The following DPP10 variants were observed in gnomAD, a reference collection of about 807,000 sequenced individuals.
DPP10 encodes the protein dipeptidyl peptidase like 10.
In DPP10, 33 loss-of-function variants were observed where a neutral mutation model predicts 120.9. The observed-to-expected ratio is 0.27, with a 90% CI of 0.21 to 0.37. The LOEUF is 0.37. Among genes scored for constraint, DPP10 ranks in the 10% least tolerant of loss-of-function variants. The pLI is 1.00. For synonymous variants in DPP10, 337 were observed against 326.1 expected, an observed-to-expected ratio of 1.03 and a Z score of -0.36; for missense variants, 816 against 942.8, an observed-to-expected ratio of 0.87 and a Z score of 1.76.
intron 1 of DPP10, among the ~76,000 whole-genome samples, chr2:114,936,213 G>T (rs192233930): frequency 2.0e-5 from 3 of 151,838 alleles, no homozygotes; most frequent in Non-Finnish European, 4.4e-5. Flanking sequence ...AGCTTAGCTC[G>T]CACTTTAAGA....
chr2:115,540,960 A>G (rs188146492), intron 5 of DPP10, among the ~76,000 whole-genome samples: 232 of 151,932 alleles, frequency 1.5e-3, no homozygotes, highest in Admixed American at 4.8e-3. Context: ...AATGGCATAG[A>G]TGTTCATTTA....
intron 1 of DPP10, among the ~76,000 whole-genome samples, chr2:114,789,235 T>C (rs781683080): frequency 6.6e-6 from 1 of 152,172 alleles, no homozygotes; most frequent in Non-Finnish European, 1.5e-5. Context: ...ACTTAACAAA[T>C]ACATGCTCTC....
chr2:115,007,069 C>T (rs1701906042), intron 1 of DPP10, among the ~76,000 whole-genome samples: 1 of 152,112 alleles, frequency 6.6e-6, no homozygotes, highest in African/African-American at 2.4e-5. Context: ...GAATCTCACT[C>T]AAAACTTCTC....
intron 1 of DPP10, among the ~76,000 whole-genome samples, chr2:114,976,084 A>C (rs190461819): frequency 1.8e-4 from 27 of 152,338 alleles, no homozygotes; most frequent in Admixed American, 1.7e-3. Flanking sequence ...ACTTTGCATA[A>C]ATGTTTATTA....
intron 19 of DPP10, among the ~76,000 whole-genome samples, chr2:115,792,556 G>A (rs189376995): frequency 5.1e-4 from 77 of 152,006 alleles, no homozygotes; most frequent in African/African-American, 1.6e-3. Context: ...GTCCCTAAAA[G>A]CCAGAAAGCT....
At chr2:114,997,522 C>A (rs1229907872) in intron 1 of DPP10, among the ~76,000 whole-genome samples, 6 of 144,092 alleles carry the variant, frequency 4.2e-5, no homozygotes, top group South Asian at 2.2e-4. Context: ...GAAAAAAATT[C>A]ATACATGGAA....
chr2:115,160,498 G>A (rs2052228928), intron 1 of DPP10, among the ~76,000 whole-genome samples: 1 of 152,160 alleles, frequency 6.6e-6, no homozygotes. Flanking sequence ...CAGGGAGCCA[G>A]TCCTTAGCCA....
chr2:115,089,014 T>A (rs985033262), intron 1 of DPP10, among the ~76,000 whole-genome samples: 1 of 152,078 alleles, frequency 6.6e-6, no homozygotes, highest in African/African-American at 2.4e-5. Flanking sequence ...CAGAGTAACA[T>A]CCTGGAGAGC....
intron 1 of DPP10, among the ~76,000 whole-genome samples, chr2:114,837,674 G>A (rs1189438797): frequency 6.6e-6 from 1 of 152,142 alleles, no homozygotes; most frequent in Admixed American, 6.5e-5. Context: ...CATCTATGCT[G>A]TAGTAACAAA....
chr2:115,807,885 G>A (rs1437154047), intron 19 of DPP10, among the ~76,000 whole-genome samples: 1 of 151,764 alleles, frequency 6.6e-6, no homozygotes, highest in South Asian at 2.1e-4. Context: ...AACATTAAAT[G>A]CATTTTTCAG....
intron 1 of DPP10, among the ~76,000 whole-genome samples, chr2:115,227,409 T>G (rs564856974): frequency 1.3e-5 from 2 of 152,304 alleles, no homozygotes; most frequent in African/African-American, 4.8e-5. Context: ...TTTTACTCTC[T>G]TTTTCTTTTT....
chr2:114,842,565 G>GA lies in DPP10; in HGVS notation c.60+399731dup, dbSNP rs527325642. Among the ~76,000 whole-genome samples, 139 of 152,126 alleles carry GA rather than the reference G, an allele frequency of 9.1e-4. 2 individuals are homozygous for GA. Among genetic ancestry groups the GA allele is most frequent in the South Asian group, 2.1e-3 (10 of 4,812 alleles). On this transcript the variant is annotated intron_variant, in intron 1 of 25. Coordinates refer to ENST00000410059, the MANE Select transcript of DPP10 (RefSeq NM_020868.6). Reference sequence around the variant, plus strand: ...AGATAAGATGACTTCTCTTCCCCAGGAAAATCCCTAAAGTGACCAGAATAA... The same window carrying GA: ...AGATAAGATGACTTCTCTTCCCCAGGAAAAATCCCTAAAGTGACCAGAATAA...
At chr2:115,111,495 T>C (rs1173637486) in intron 1 of DPP10, among the ~76,000 whole-genome samples, 1 of 152,168 alleles carries the variant, frequency 6.6e-6, no homozygotes, top group African/African-American at 2.4e-5. Flanking sequence ...GGGAATCTCT[T>C]GGGTGGAGAT....
chr2:115,609,517 C>T (rs1039073138), intron 5 of DPP10, among the ~76,000 whole-genome samples: 13 of 151,892 alleles, frequency 8.6e-5, no homozygotes, highest in African/African-American at 2.7e-4. Context: ...AGAAGAGAAT[C>T]GTAAGCTCTC....
At chr2:114,622,103 G>C (rs776645424) in intron 1 of DPP10, among the ~76,000 whole-genome samples, 5 of 152,030 alleles carry the variant, frequency 3.3e-5, no homozygotes, top group Non-Finnish European at 5.9e-5. Flanking sequence ...CAGCCCACTT[G>C]AAGAGACAGG....
intron 1 of DPP10, among the ~76,000 whole-genome samples, chr2:115,171,701 G>A (rs10445864): frequency 0.59 from 88,728 of 150,326 alleles, 26,388 homozygotes; most frequent in African/African-American, 0.62. Context: ...CTTCCTTGCC[G>A]CTTAAGTATA....
chr2:114,489,465 G>T (rs1681797315), intron 1 of DPP10, among the ~76,000 whole-genome samples: 3 of 152,164 alleles, frequency 2.0e-5, no homozygotes, highest in African/African-American at 7.2e-5. Flanking sequence ...AAAATACCAA[G>T]CACATGGAAA....
intron 1 of DPP10, among the ~76,000 whole-genome samples, chr2:114,705,884 T>C (rs1042580216): frequency 1.3e-5 from 2 of 152,186 alleles, no homozygotes; most frequent in African/African-American, 4.8e-5. Flanking sequence ...ATCTATATTA[T>C]TTGCCCAGGT....
At chr2:115,576,396 A>G (rs1558873022) in intron 5 of DPP10, among the ~76,000 whole-genome samples, 1 of 152,242 alleles carries the variant, frequency 6.6e-6, no homozygotes, top group Non-Finnish European at 1.5e-5. Context: ...CTTAATGAAA[A>G]GTCAGAAATA....
Sources: gnomAD v4.1 joint callset for allele counts (sites outside exome capture counted in the v4.1 genomes callset) on GRCh38, gnomAD v4.1.1 for gene constraint, MANE v1.5 for transcripts, NCBI Gene and HGNC (gene_info 2026-07-23, HGNC 2026-07-21) for gene names.